The following CNTNAP5 variants were observed in gnomAD, a reference collection of about 807,000 sequenced individuals.
The protein encoded by CNTNAP5 is contactin associated protein family member 5.
A neutral mutation model predicts 150.2 loss-of-function variants in CNTNAP5; 72 were observed. That is an observed-to-expected ratio of 0.48 (90% confidence interval 0.40 to 0.58). The LOEUF is 0.58. Among genes scored for constraint, CNTNAP5 ranks in the 20% least tolerant of loss-of-function variants. CNTNAP5 has a pLI of 0.00. For missense variants in CNTNAP5, 1,636 were observed against 1,626.2 expected (o/e 1.01, Z -0.10); for synonymous variants, 672 against 619.8 (o/e 1.08, Z -1.25).
At chr2:124,896,272 T>A (rs939411998) in intron 21 of CNTNAP5, among the ~76,000 whole-genome samples, 4 of 151,406 alleles carry the variant, frequency 2.6e-5, no homozygotes, top group Non-Finnish European at 5.9e-5. Context: ...TTGAAATGCA[T>A]GCACACACAC....
intron 19 of CNTNAP5, among the ~76,000 whole-genome samples, 169 bp downstream of exon 19, chr2:124,798,489 T>C (rs1681896460): frequency 6.6e-6 from 1 of 152,230 alleles, no homozygotes. Context: ...TGAGATGCAA[T>C]TGGTATTCAG....
At chr2:124,815,709 C>A (rs1682347039) in intron 19 of CNTNAP5, among the ~76,000 whole-genome samples, 1 of 151,954 alleles carries the variant, frequency 6.6e-6, no homozygotes, top group Non-Finnish European at 1.5e-5. Context: ...CTCCAGTTTT[C>A]TTTTCTTTCT....
At chr2:124,816,824 T>G (rs888344630) in intron 19 of CNTNAP5, among the ~76,000 whole-genome samples, 1 of 152,166 alleles carries the variant, frequency 6.6e-6, no homozygotes, top group Non-Finnish European at 1.5e-5. Context: ...TATATGTATG[T>G]ATGGATGAGT....
chr2:124,563,290 G>A lies in CNTNAP5; in HGVS notation c.1723G>A (p.Asp575Asn). The part of the protein sequence containing the change: ...SWTTFYCNCS[D>N]TSYTGATCHN... ...GACTACCTTCTATTGTAACTGCAGT[G>A]ACACAAGTTACACTGGTGCCACCTG... is the stretch of plus-strand genomic sequence containing the variant. Residue 575 changes from aspartate (D) to asparagine (N), a missense_variant, in exon 11 of 24, where the codon GAC becomes AAC. By Grantham distance (23) the Asp-to-Asn change is conservative. Coordinates refer to ENST00000682447, the MANE Select transcript of CNTNAP5 (RefSeq NM_001367498.1). The A allele has an allele frequency of 6.4e-7, 1 of 1,573,576 alleles. No individual in the cohort carries two copies. Among genetic ancestry groups the A allele is most frequent in the South Asian group, 1.2e-5 (1 of 85,680 alleles).
chr2:124,196,903 G>T (rs946326896), intron 1 of CNTNAP5, among the ~76,000 whole-genome samples: 1 of 152,186 alleles, frequency 6.6e-6, no homozygotes, highest in Admixed American at 6.5e-5. Context: ...TCTTCTGCCT[G>T]CAAGGCATGC....
At chr2:124,242,494 A>C in intron 3 of CNTNAP5, 101 bp downstream of exon 3, 1 of 1,157,512 alleles carries the variant, frequency 8.6e-7, no homozygotes, top group South Asian at 1.5e-5. Context: ...TTGGTAGTTT[A>C]ATAACTGGTG....
At chr2:124,788,842 A>G (rs750265753) in intron 17 of CNTNAP5, among the ~76,000 whole-genome samples, 9 of 152,118 alleles carry the variant, frequency 5.9e-5, no homozygotes, top group Non-Finnish European at 1.2e-4. Flanking sequence ...CATGTTGGCC[A>G]GGCGGGTCTT....
chr2:124,861,888 A>C (rs963841355), intron 19 of CNTNAP5, among the ~76,000 whole-genome samples: 1 of 152,170 alleles, frequency 6.6e-6, no homozygotes. Flanking sequence ...ATCTCCACTC[A>C]CTGCAACCTC....
intron 3 of CNTNAP5, among the ~76,000 whole-genome samples, chr2:124,398,237 T>G (rs990644482): frequency 5.3e-5 from 8 of 152,162 alleles, no homozygotes; most frequent in African/African-American, 1.9e-4. Flanking sequence ...TTCCAGCTCC[T>G]TTGCTGATTT....
chr2:124,815,109 G>T (rs1370913295), intron 19 of CNTNAP5, among the ~76,000 whole-genome samples: 6 of 152,128 alleles, frequency 3.9e-5, no homozygotes, highest in African/African-American at 1.4e-4. Flanking sequence ...CCAGCTCTCC[G>T]TAGCAATAAC....
intron 2 of CNTNAP5, among the ~76,000 whole-genome samples, chr2:124,227,734 T>A (rs1261231324): frequency 6.6e-6 from 1 of 151,120 alleles, no homozygotes; most frequent in Non-Finnish European, 1.5e-5. Flanking sequence ...TCAAAGAGTA[T>A]TTTTTGGGAA....
At chr2:124,651,486 C>G (rs1184157140) in intron 13 of CNTNAP5, among the ~76,000 whole-genome samples, 1 of 152,120 alleles carries the variant, frequency 6.6e-6, no homozygotes, top group Non-Finnish European at 1.5e-5. Flanking sequence ...CAGATCTGCA[C>G]CATAAGAGTC....
intron 1 of CNTNAP5, among the ~76,000 whole-genome samples, chr2:124,152,106 C>T (rs1379731937): frequency 6.6e-6 from 1 of 152,062 alleles, no homozygotes; most frequent in Non-Finnish European, 1.5e-5. Context: ...AAAGAAAGTG[C>T]AGTCTGAGAG....
intron 19 of CNTNAP5, among the ~76,000 whole-genome samples, chr2:124,857,191 C>A (rs1677393169): frequency 6.6e-6 from 1 of 152,100 alleles, no homozygotes; most frequent in African/African-American, 2.4e-5. Context: ...TCAACTCGTG[C>A]AGCTCTACAT....
At chr2:124,348,197 G>C (rs1325490490) in intron 3 of CNTNAP5, among the ~76,000 whole-genome samples, 1 of 152,012 alleles carries the variant, frequency 6.6e-6, no homozygotes, top group Non-Finnish European at 1.5e-5. Flanking sequence ...AATTACCTCT[G>C]ATAATGTTAT....
At chr2:124,479,939 C>G (rs1693728491) in intron 7 of CNTNAP5, among the ~76,000 whole-genome samples, 1 of 152,038 alleles carries the variant, frequency 6.6e-6, no homozygotes, top group South Asian at 2.1e-4. Context: ...TCTGCAATAC[C>G]CTTAGGGCAG....
chr2:124,273,526 A>G (rs566735096), intron 3 of CNTNAP5, among the ~76,000 whole-genome samples: 64 of 152,294 alleles, frequency 4.2e-4, no homozygotes, highest in Non-Finnish European at 7.2e-4. Context: ...GTTTCAGACC[A>G]GAATCCCTAC....
chr2:124,759,913 C>G (rs1458630449), intron 14 of CNTNAP5, among the ~76,000 whole-genome samples: 1 of 127,838 alleles, frequency 7.8e-6, no homozygotes, highest in Non-Finnish European at 1.7e-5. Flanking sequence ...TCATTTAAAG[C>G]TTCTTGTTAC....
At chr2:124,754,855 C>CT (rs1680805264) in intron 14 of CNTNAP5, among the ~76,000 whole-genome samples, 2 of 151,278 alleles carry the variant, frequency 1.3e-5, no homozygotes, top group Non-Finnish European at 2.9e-5. Flanking sequence ...GCCCAGCCTA[C>CT]ATTTTTTTTT....
Sources: allele counts gnomAD v4.1 joint callset (sites outside exome capture counted in the v4.1 genomes callset), GRCh38; gene constraint gnomAD v4.1.1; transcripts MANE v1.5; gene names NCBI Gene and HGNC (gene_info 2026-07-23, HGNC 2026-07-21).